MAST3: variants seen among roughly 807,000 people sequenced by gnomAD.
The protein encoded by MAST3 is microtubule associated serine/threonine kinase 3.
Under a neutral mutation model 127.0 loss-of-function variants are expected in MAST3, and 43 were observed. That is an observed-to-expected ratio of 0.34 (90% CI 0.27 to 0.44). The LOEUF (loss-of-function observed/expected upper bound fraction) is 0.44, where lower values mean the gene tolerates loss of function less well. MAST3 is among the 20% of genes least tolerant of loss of function. The probability of loss-of-function intolerance (pLI) is 1.00; values close to 1 mark genes in which losing one functional copy is unlikely to be tolerated. For missense variants in MAST3, 1,390 were observed against 1,919.1 expected (o/e 0.72, Z 5.15); for synonymous variants, 785 against 809.2 (o/e 0.97, Z 0.51).
Position 18,149,635 on chromosome 19 carries a change from A to C in MAST3, c.3953A>C (p.Glu1318Ala), listed in dbSNP as rs772170312. The change falls in exon 28 of 28, where the codon GAG becomes GCG. Residue 1318 changes from glutamate to alanine, a missense_variant. Physicochemically the swap from Glu to Ala is moderately radical, Grantham distance 107 (BLOSUM62 -1). Transcript: ENST00000687212. This position sits in a 1 kb window ranked among gnomAD's most constrained non-coding sequence, Gnocchi z 5.9. The stretch of plus-strand genomic sequence containing the variant: ...GTTAGCTTCGATGAGCCGCAGGAGG[A>C]GGCCACTGGGCTGCCCACCTCAGTG... ...QEVSFDEPQE[E>A]ATGLPTSVPQ... The C allele has an allele frequency of 3.1e-6, 5 of 1,613,138 alleles. No individual in the cohort carries two copies. Among genetic ancestry groups the C allele is most frequent in the Non-Finnish European group, 4.2e-6 (5 of 1,179,886 alleles).
In MAST3 at chr19:18,151,622, C is replaced by CTGTG. The variant is rs1273860350; in HGVS notation, c.*1897_*1900dup. The CTGTG allele has an allele frequency of 6.6e-6, 1 of 152,250 alleles. No homozygotes were observed. The highest frequency in any genetic ancestry group is 1.5e-5 in the Non-Finnish European group (1 of 68,054). 9.4% of individuals were successfully genotyped at this position (152,250 alleles called of 1,614,324 possible). A position where few individuals can be genotyped will look rare whatever the true frequency, so the allele number is the denominator to read the frequency against. ...CCTAGTGTTGGAGGGTAGACCAAGG[C>CTGTG]TGTGCATGATTCACCCCCTCCTTCC... On this transcript the variant is annotated 3_prime_UTR_variant, in exon 28 of 28. Transcript: ENST00000687212.
rs1364313197 is a variant in MAST3, at chr19:18,150,454, CT to C, written c.*733del. ...GTTTGTGTTTTCCAGTTTTTCTGTA[CT>C]TTTTAAGTGTTTTGTGTTACCTGGT... On this transcript the variant is annotated 3_prime_UTR_variant, in exon 28 of 28. Coordinates refer to ENST00000687212, the MANE Select transcript of MAST3 (RefSeq NM_001393504.1). 6.6e-6 allele frequency: 1 copy of C among 152,286 alleles called. No homozygotes were observed. The allele number at this position is 152,286 out of a possible 1,614,324, so 9.4% of individuals were successfully genotyped here. A position where few individuals can be genotyped will look rare whatever the true frequency, so the allele number is the denominator to read the frequency against.
At chr19:18,134,524 G>A (rs2147479679) in intron 15 of MAST3, 55 bp from the exon 16 acceptor site, 1 of 1,555,040 alleles carries the variant, frequency 6.4e-7, no homozygotes. Flanking sequence ...GGGCAGAAGG[G>A]GAGGCCAGGC....
intron 3 of MAST3, among the ~76,000 whole-genome samples, chr19:18,111,721 A>G (rs957313662): frequency 5.9e-5 from 9 of 151,968 alleles, no homozygotes; most frequent in Middle Eastern, 3.2e-3. Flanking sequence ...TTTAGTAGAG[A>G]TGGGGTTTCA....
At position 18,149,832 on chromosome 19, in the gene MAST3, C is replaced by T. The variant is rs2043403885; in HGVS notation, c.*106C>T. 3 of 1,498,034 alleles carry T rather than the reference C, an allele frequency of 2.0e-6. No homozygotes were observed. Among genetic ancestry groups the T allele is most frequent in the Non-Finnish European group, 2.7e-6 (3 of 1,117,058 alleles). The allele number at this position is 1,498,034 out of a possible 1,614,324, so 92.8% of individuals were successfully genotyped here. On this transcript the variant is annotated 3_prime_UTR_variant, in exon 28 of 28. Transcript: ENST00000687212. The surrounding 1 kb of genome is among the most constrained non-coding windows in gnomAD (Gnocchi z 5.9). Reference sequence around the variant, plus strand: ...GGGACTGAGCCACCAGCCTGACACCCAGAAGGCGAGAAGCCATCTCGGTCC... The same window carrying T: ...GGGACTGAGCCACCAGCCTGACACCTAGAAGGCGAGAAGCCATCTCGGTCC...
In MAST3 at chr19:18,134,707, A is replaced by G; in HGVS notation, c.1700A>G (p.Lys567Arg). 6.2e-7 allele frequency: 1 copy of G among 1,613,538 alleles called. No homozygotes were observed. The highest frequency in any genetic ancestry group is 8.5e-7 in the Non-Finnish European group (1 of 1,179,684). The change falls in exon 16 of 28, where the codon AAG becomes AGG. Residue 567 changes from lysine (K) to arginine (R), a missense_variant. This residue lies in a region of MAST3 where 191 missense variants were observed against 409.0 expected (regional missense o/e 0.47). Transcript: ENST00000687212. ...AAGGACGCCCGAGAGTTCATCGACA[A>G]GCAGGTGGGCGGGCAGGTGGGTGGG... Reference protein sequence around the residue: ...IEKDAREFIDKQVCGTPEYIA... With the variant: ...IEKDAREFIDRQVCGTPEYIA...
In MAST3 at chr19:18,149,323, G is replaced by A; in HGVS notation, c.3641G>A (p.Gly1214Asp). 6.6e-7 allele frequency: 1 copy of A among 1,526,660 alleles called. No homozygotes were observed. Among genetic ancestry groups the A allele is most frequent in the Non-Finnish European group, 8.8e-7 (1 of 1,138,612 alleles). 94.6% of individuals were successfully genotyped at this position (1,526,660 alleles called of 1,614,324 possible). ...CTTGGGCCACCCCGCCCCAAGACTG[G>A]CCGCCGCAAGTCCACCAGCAGCATC... ...AKLGPPRPKT[G>D]RRKSTSSIPP... Residue 1214 changes from glycine to aspartate, a missense_variant, in exon 28 of 28, where the codon GGC (glycine) becomes GAC (aspartate). Transcript: ENST00000687212. This position sits in a 1 kb window ranked among gnomAD's most constrained non-coding sequence, Gnocchi z 5.9.
rs906101465 is a variant in MAST3, at chr19:18,149,394, C to T, written c.3712C>T (p.Arg1238Cys). ...CCCGCCCATCTCCGCGCCCCCACCC[C>T]GCTCGCCCTCGCCCCTGCCCGGGCA... is the stretch of plus-strand genomic sequence containing the variant. ...ACPPISAPPP[R>C]SPSPLPGHPP... is the part of the protein sequence containing the mutation. The change falls in exon 28 of 28, where the codon CGC becomes TGC. Residue 1238 changes from arginine (R) to cysteine (C), a missense_variant. This residue lies in a region of MAST3 where 816 missense variants were observed against 934.1 expected (regional missense o/e 0.87). Transcript: ENST00000687212. This position sits in a 1 kb window ranked among gnomAD's most constrained non-coding sequence, Gnocchi z 5.9. The T allele has an allele frequency of 8.8e-5, 129 of 1,467,164 alleles. No individual in the cohort carries two copies. The highest frequency in any genetic ancestry group is 1.0e-4 in the Non-Finnish European group (112 of 1,115,726). The allele number at this position is 1,467,164 out of a possible 1,614,324, so 90.9% of individuals were successfully genotyped here. A position where few individuals can be genotyped will look rare whatever the true frequency, so the allele number is the denominator to read the frequency against.
chr19:18,123,778 C>G, intron 8 of MAST3, 123 bp downstream of exon 8: 1 of 1,089,952 alleles, frequency 9.2e-7, no homozygotes, highest in Non-Finnish European at 1.3e-6. Flanking sequence ...TCTTTCCTTC[C>G]CCTTCCGTTG....
At chr19:18,146,386 A>T (rs62123606) in intron 25 of MAST3, among the ~76,000 whole-genome samples, 16,639 of 152,206 alleles carry the variant, frequency 0.11, 1,156 homozygotes, top group Admixed American at 0.15. Context: ...TTGAGGCCAT[A>T]GTGAGCTGTG....
intron 1 of MAST3, among the ~76,000 whole-genome samples, chr19:18,102,400 A>G (rs2146803778): frequency 6.7e-6 from 1 of 149,604 alleles, no homozygotes; most frequent in South Asian, 2.1e-4. Flanking sequence ...GCTGGTCTCG[A>G]ACTCCTGACC....
Position 18,097,788 on chromosome 19 carries a change from G to C in MAST3, c.-5G>C, listed in dbSNP as rs965459822. 5 of 1,218,240 alleles carry C rather than the reference G, an allele frequency of 4.1e-6. No individual in the cohort carries two copies. Among genetic ancestry groups the C allele is most frequent in the Admixed American group, 4.3e-5 (1 of 23,090 alleles). 75.5% of individuals were successfully genotyped at this position (1,218,240 alleles called of 1,614,324 possible). ...GGCGGGCCTGGCGGCGCGGACTCCC[G>C]GGCCATGGACGAGTCGAGCCTCCTG... On this transcript the variant is annotated 5_prime_UTR_variant, in exon 1 of 28. Transcript: ENST00000687212.
intron 15 of MAST3, among the ~76,000 whole-genome samples, chr19:18,134,237 T>C (rs564035739): frequency 8.3e-4 from 126 of 151,746 alleles, no homozygotes; most frequent in African/African-American, 2.7e-3. Context: ...TATATATATA[T>C]ACACACACAC....
chr19:18,098,372 G>C (rs1030346131), intron 1 of MAST3, among the ~76,000 whole-genome samples: 3 of 127,078 alleles, frequency 2.4e-5, no homozygotes, highest in African/African-American at 8.1e-5. Context: ...GCTGGGATTC[G>C]ATCTGCGCCC....
At chr19:18,123,524 C>G in intron 7 of MAST3, 56 bp from the exon 8 acceptor site, 2 of 1,475,560 alleles carry the variant, frequency 1.4e-6, no homozygotes, top group Non-Finnish European at 1.8e-6. Context: ...CCCCCAACAT[C>G]CTCCCCTGGG....
At chr19:18,147,726 T>A in intron 27 of MAST3, 102 bp downstream of exon 27, 1 of 850,550 alleles carries the variant, frequency 1.2e-6, no homozygotes, top group Non-Finnish European at 1.8e-6. Context: ...TGACACGATG[T>A]AGGGAAAAAG....
At chr19:18,118,023 G>C (rs977158709) in intron 3 of MAST3, 1 of 769,444 alleles carries the variant, frequency 1.3e-6, no homozygotes, top group Non-Finnish European at 1.6e-6. Flanking sequence ...GGGGGCGCGC[G>C]CTTCCTTCTC....
chr19:18,122,037 T>A, intron 5 of MAST3, 115 bp downstream of exon 5: 8 of 1,501,388 alleles, frequency 5.3e-6, no homozygotes, highest in Non-Finnish European at 7.1e-6. Context: ...CCTTTTCCCC[T>A]CCCCTGGCCC....
At chr19:18,111,841 G>A (rs1257865647) in intron 3 of MAST3, among the ~76,000 whole-genome samples, 1 of 152,194 alleles carries the variant, frequency 6.6e-6, no homozygotes, top group Non-Finnish European at 1.5e-5. Context: ...ACGGGGAGAA[G>A]AGAGAACAAT....
Sources: allele counts gnomAD v4.1 joint callset (sites outside exome capture counted in the v4.1 genomes callset), GRCh38; gene constraint gnomAD v4.1.1; regional missense constraint gnomAD v4.1.1; non-coding constraint Gnocchi (gnomAD v3.1); transcripts MANE v1.5; gene names NCBI Gene and HGNC (gene_info 2026-07-23, HGNC 2026-07-21).